NDUFAF2: variants seen among roughly 807,000 people sequenced by gnomAD.
NDUFAF2 encodes the protein NADH dehydrogenase [ubiquinone] 1 alpha subcomplex assembly factor 2.
In NDUFAF2, 13 loss-of-function variants were observed where a neutral mutation model predicts 22.8. The observed-to-expected ratio is 0.57, with a 90% CI of 0.37 to 0.91. The LOEUF (loss-of-function observed/expected upper bound fraction) is 0.91, where lower values mean the gene tolerates loss of function less well. NDUFAF2 is among the 40% of genes least tolerant of loss of function. NDUFAF2 has a pLI of 0.01. For missense variants in NDUFAF2, 162 were observed against 195.2 expected (o/e 0.83, Z 1.01); for synonymous variants, 53 against 64.2 (o/e 0.83, Z 0.84).
At chr5:61,150,534 A>T (rs1006138954) in intron 3 of NDUFAF2, among the ~76,000 whole-genome samples, 1 of 152,192 alleles carries the variant, frequency 6.6e-6, no homozygotes, top group Non-Finnish European at 1.5e-5. Context: ...AGGCAGGAGA[A>T]ACAAGAACAG....
At chr5:61,020,444 T>G (rs928378566) in intron 1 of NDUFAF2, among the ~76,000 whole-genome samples, 2 of 152,194 alleles carry the variant, frequency 1.3e-5, no homozygotes, top group Non-Finnish European at 2.9e-5. Flanking sequence ...TCTGAATATT[T>G]GATACATTTA....
intron 1 of NDUFAF2, among the ~76,000 whole-genome samples, chr5:61,037,202 A>G (rs1184439798): frequency 1.3e-5 from 2 of 152,206 alleles, no homozygotes; most frequent in Admixed American, 6.6e-5. Flanking sequence ...GGACTATAAG[A>G]TGAAGTGAAA....
intron 3 of NDUFAF2, among the ~76,000 whole-genome samples, chr5:61,149,821 A>G (rs929545360): frequency 2.6e-5 from 4 of 152,194 alleles, no homozygotes; most frequent in Non-Finnish European, 4.4e-5. Context: ...TGTATTTGCA[A>G]ATAGACTTTC....
intron 3 of NDUFAF2, among the ~76,000 whole-genome samples, chr5:61,130,269 A>T (rs770002982): frequency 1.3e-5 from 2 of 152,112 alleles, no homozygotes; most frequent in Admixed American, 6.6e-5. Context: ...ATCCCAGAGG[A>T]TATCAGTAGA....
At chr5:61,137,105 G>T (rs1162499676) in intron 3 of NDUFAF2, among the ~76,000 whole-genome samples, 1 of 152,122 alleles carries the variant, frequency 6.6e-6, no homozygotes, top group Non-Finnish European at 1.5e-5. Context: ...CATGTTGTTG[G>T]TTCCTGTTTT....
At chr5:61,005,346 A>C (rs1422911788) in intron 1 of NDUFAF2, among the ~76,000 whole-genome samples, 2 of 152,114 alleles carry the variant, frequency 1.3e-5, no homozygotes, top group African/African-American at 4.8e-5. Context: ...ATTGTTGGAC[A>C]TTTGGGTTGG....
chr5:60,994,370 G>A (rs1023173690), intron 1 of NDUFAF2, among the ~76,000 whole-genome samples: 11 of 152,088 alleles, frequency 7.2e-5, no homozygotes, highest in South Asian at 2.1e-4. Context: ...TGGGAGGCCC[G>A]GGTCCACAGC....
At chr5:61,006,878 G>A (rs1025533665) in intron 1 of NDUFAF2, among the ~76,000 whole-genome samples, 1 of 152,054 alleles carries the variant, frequency 6.6e-6, no homozygotes, top group Non-Finnish European at 1.5e-5. Flanking sequence ...AATAACCAGA[G>A]CTTCCAAAAA....
At chr5:61,120,885 A>G (rs1167264824) in intron 3 of NDUFAF2, among the ~76,000 whole-genome samples, 2 of 152,122 alleles carry the variant, frequency 1.3e-5, no homozygotes, top group South Asian at 4.1e-4. Flanking sequence ...TTGTCTCACC[A>G]AAACAATTTA....
chr5:61,130,059 A>C (rs1402713343), intron 3 of NDUFAF2, among the ~76,000 whole-genome samples: 2 of 152,116 alleles, frequency 1.3e-5, no homozygotes, highest in African/African-American at 4.8e-5. Flanking sequence ...AATACCACGA[A>C]GCTTTTTATT....
intron 3 of NDUFAF2, among the ~76,000 whole-genome samples, chr5:61,131,319 G>A (rs1453141863): frequency 6.6e-6 from 1 of 151,716 alleles, no homozygotes; most frequent in East Asian, 1.9e-4. Flanking sequence ...CTTCAGCCTG[G>A]CACAGGCCAC....
At chr5:61,010,262 T>C (rs939438872) in intron 1 of NDUFAF2, among the ~76,000 whole-genome samples, 3 of 152,102 alleles carry the variant, frequency 2.0e-5, no homozygotes, top group Non-Finnish European at 4.4e-5. Flanking sequence ...GTACCATCCT[T>C]AGGATCAAGT....
At chr5:61,055,261 A>G (rs1485016468) in intron 1 of NDUFAF2, among the ~76,000 whole-genome samples, 1 of 152,246 alleles carries the variant, frequency 6.6e-6, no homozygotes, top group African/African-American at 2.4e-5. Context: ...GCTTGTTGAA[A>G]TTCAACACAT....
chr5:61,136,005 T>TTTTATATATA (rs1554018944), intron 3 of NDUFAF2, among the ~76,000 whole-genome samples: 2 of 96,052 alleles, frequency 2.1e-5, no homozygotes, highest in Admixed American at 9.3e-5. Flanking sequence ...AAGCCTGTCT[T>TTTTATATATA]TATATATATA....
chr5:61,013,882 C>T (rs901085374), intron 1 of NDUFAF2, among the ~76,000 whole-genome samples: 13 of 151,960 alleles, frequency 8.6e-5, no homozygotes, highest in East Asian at 1.9e-4. Context: ...TTTATAGACA[C>T]GCTAACTTAT....
At chr5:61,037,064 T>C (rs575325852) in intron 1 of NDUFAF2, among the ~76,000 whole-genome samples, 1 of 152,272 alleles carries the variant, frequency 6.6e-6, no homozygotes, top group South Asian at 2.1e-4. Context: ...TAAGACCATA[T>C]ACAAAAGACA....
At chr5:61,106,343 GCTT>G (rs924494798) in intron 3 of NDUFAF2, among the ~76,000 whole-genome samples, 12 of 151,458 alleles carry the variant, frequency 7.9e-5, no homozygotes, top group Non-Finnish European at 1.3e-4. Flanking sequence ...TATTATATGT[GCTT>G]CTTTCTATGA....
intron 1 of NDUFAF2, among the ~76,000 whole-genome samples, chr5:61,045,641 T>C (rs1580111102): frequency 6.6e-6 from 1 of 152,032 alleles, no homozygotes; most frequent in South Asian, 2.1e-4. Flanking sequence ...ACTTGGCTGA[T>C]TTCTTTTTTG....
chr5:60,962,563 T>C (rs1403689301), intron 1 of NDUFAF2, among the ~76,000 whole-genome samples: 1 of 152,168 alleles, frequency 6.6e-6, no homozygotes, highest in East Asian at 1.9e-4. Context: ...AATTGCGTGG[T>C]GGCTCACGCC....
Sources: allele counts gnomAD v4.1 joint callset (sites outside exome capture counted in the v4.1 genomes callset), GRCh38; gene constraint gnomAD v4.1.1; transcripts MANE v1.5; gene names NCBI Gene and HGNC (gene_info 2026-07-23, HGNC 2026-07-21).